The following TMEM131 variants were observed in gnomAD, a reference collection of about 807,000 sequenced individuals.
TMEM131 encodes 2610524E03Rik.
TMEM131 carries 66 observed loss-of-function variants against 211.6 expected under a neutral mutation model. That is an observed-to-expected ratio of 0.31 (90% confidence interval 0.26 to 0.38). The LOEUF is 0.38. Ranked by LOEUF, TMEM131 falls within the 10% of genes least tolerant of loss-of-function variation. TMEM131 has a pLI of 1.00. For missense variants in TMEM131, 2,036 were observed against 2,299.3 expected (o/e 0.89, Z 2.34); for synonymous variants, 844 against 841.3 (o/e 1.00, Z -0.06).
At chr2:97,852,817 CT>C (rs1473980059) in intron 5 of TMEM131, among the ~76,000 whole-genome samples, 1 of 152,224 alleles carries the variant, frequency 6.6e-6, no homozygotes, top group Non-Finnish European at 1.5e-5. Flanking sequence ...CTGACTCTCT[CT>C]TATTAGGGAC....
intron 3 of TMEM131, among the ~76,000 whole-genome samples, chr2:97,905,518 C>T (rs1044126619): frequency 1.3e-5 from 2 of 152,190 alleles, no homozygotes; most frequent in Non-Finnish European, 2.9e-5. Flanking sequence ...AGACTGCTTG[C>T]TACTACTGTA....
intron 11 of TMEM131, among the ~76,000 whole-genome samples, chr2:97,829,321 A>G (rs35203092): frequency 0.35 from 52,595 of 152,042 alleles, 10,015 homozygotes; most frequent in Middle Eastern, 0.49. Flanking sequence ...GTAAAAATGC[A>G]CCCATCAGCG....
chr2:97,759,776 C>G, intron 38 of TMEM131, 27 bp from the exon 39 acceptor site: 2 of 1,569,464 alleles, frequency 1.3e-6, no homozygotes, highest in Non-Finnish European at 1.7e-6. Context: ...GAAAACGCAA[C>G]ACACAAAAAT....
intron 1 of TMEM131, among the ~76,000 whole-genome samples, chr2:97,975,232 T>C (rs1438456983): frequency 6.7e-6 from 1 of 149,478 alleles, no homozygotes; most frequent in Non-Finnish European, 1.5e-5. Flanking sequence ...AATTACACTC[T>C]AAGTAAGCAA....
intron 3 of TMEM131, among the ~76,000 whole-genome samples, chr2:97,903,110 A>G (rs966719494): frequency 6.6e-6 from 1 of 152,194 alleles, no homozygotes; most frequent in Non-Finnish European, 1.5e-5. Flanking sequence ...TAATTTTTCA[A>G]TATTATCTTC....
chr2:97,995,430 G>C (rs752133337), intron 1 of TMEM131, 46 bp downstream of exon 1: 6 of 1,317,624 alleles, frequency 4.6e-6, no homozygotes, highest in Middle Eastern at 2.9e-4. Flanking sequence ...CTCCGCGAGA[G>C]CGGGGTGACA....
chr2:97,809,810 T>G (rs1211183178), intron 18 of TMEM131, 36 bp from the exon 19 acceptor site: 1 of 1,507,472 alleles, frequency 6.6e-7, no homozygotes, highest in South Asian at 1.2e-5. Context: ...GATAAGTAGT[T>G]AAGACTTAGC....
chr2:97,758,565 G>C (rs1190634485), intron 40 of TMEM131, among the ~76,000 whole-genome samples: 1 of 152,204 alleles, frequency 6.6e-6, no homozygotes, highest in Non-Finnish European at 1.5e-5. Flanking sequence ...CCTGCCATAG[G>C]CCTATGGTCA....
chr2:97,777,203 C>T (rs1019761205), intron 31 of TMEM131, among the ~76,000 whole-genome samples: 11 of 152,200 alleles, frequency 7.2e-5, no homozygotes, highest in African/African-American at 2.2e-4. Context: ...ATCACCTGGG[C>T]GGGCAGGCAG....
Position 97,792,879 on chromosome 2 carries a change from C to G in TMEM131, c.3651G>C (p.Ser1217=). Residue 1217 remains serine, a synonymous_variant, in exon 31 of 41, where the codon TCG becomes TCC. Transcript: ENST00000186436. ...TGCTGTGACTGCTGTGTGGGTGGAC[C>G]GATGGGCCACACTGCTTATGACTCC... is the stretch of plus-strand genomic sequence containing the variant. The part of the protein sequence containing the change: ...SAGSHKQCGP[S]VHPHSSHSNR... 4 of 1,613,408 alleles carry G rather than the reference C, an allele frequency of 2.5e-6. No homozygotes were observed. The highest frequency in any genetic ancestry group is 3.4e-6 in the Non-Finnish European group (4 of 1,179,802).
chr2:97,912,900 C>T (rs1324299131), intron 2 of TMEM131, among the ~76,000 whole-genome samples: 6 of 152,140 alleles, frequency 3.9e-5, no homozygotes, highest in East Asian at 1.9e-4. Context: ...AGACCAGCCT[C>T]GGCAAAAATA....
At chr2:97,782,154 A>G (rs1472107261) in intron 31 of TMEM131, among the ~76,000 whole-genome samples, 1 of 152,228 alleles carries the variant, frequency 6.6e-6, no homozygotes, top group East Asian at 1.9e-4. Context: ...GTGGTGACAG[A>G]GGAGGCCGAG....
chr2:97,916,266 G>C (rs1031291143), intron 2 of TMEM131, among the ~76,000 whole-genome samples: 3 of 152,198 alleles, frequency 2.0e-5, no homozygotes, highest in African/African-American at 7.2e-5. Context: ...ACCACTTATT[G>C]TACTACAATA....
At chr2:97,966,258 G>A (rs1299413618) in intron 1 of TMEM131, among the ~76,000 whole-genome samples, 1 of 151,940 alleles carries the variant, frequency 6.6e-6, no homozygotes, top group African/African-American at 2.4e-5. Flanking sequence ...CCAGCAAGGT[G>A]TCTGGCATTC....
At chr2:97,803,119 T>C (rs530131953) in intron 22 of TMEM131, among the ~76,000 whole-genome samples, 15 of 152,336 alleles carry the variant, frequency 9.8e-5, no homozygotes, top group African/African-American at 3.4e-4. Context: ...TAAGAAAAGC[T>C]GGCCTATAGT....
chr2:97,810,096 T>TA (rs911487944), intron 18 of TMEM131, among the ~76,000 whole-genome samples: 1 of 152,110 alleles, frequency 6.6e-6, no homozygotes, highest in African/African-American at 2.4e-5. Flanking sequence ...AAATAATCTA[T>TA]AAAAATAGAT....
intron 6 of TMEM131, among the ~76,000 whole-genome samples, chr2:97,843,216 C>A (rs1308044636): frequency 1.3e-5 from 2 of 152,188 alleles, no homozygotes; most frequent in Non-Finnish European, 2.9e-5. Flanking sequence ...TTACTAATAG[C>A]ATGACTTGGG....
chr2:97,770,272 T>C (rs1209554549), intron 33 of TMEM131, among the ~76,000 whole-genome samples: 1 of 152,210 alleles, frequency 6.6e-6, no homozygotes, highest in East Asian at 1.9e-4. Flanking sequence ...AAATGATTGA[T>C]GAACTAATAA....
intron 19 of TMEM131, among the ~76,000 whole-genome samples, chr2:97,808,120 T>C (rs913718857): frequency 1.3e-5 from 2 of 152,212 alleles, no homozygotes; most frequent in African/African-American, 4.8e-5. Context: ...TATACATTTA[T>C]ATGCATAGCC....
Sources: gnomAD v4.1 joint callset for allele counts (sites outside exome capture counted in the v4.1 genomes callset) on GRCh38, gnomAD v4.1.1 for gene constraint, MANE v1.5 for transcripts, NCBI Gene and HGNC (gene_info 2026-07-23, HGNC 2026-07-21) for gene names.